Variants in AGAP9 observed in about 807,000 individuals in gnomAD.
AGAP9 encodes ArfGAP with GTPase domain, ankyrin repeat and PH domain 9, also known as arf-GAP with GTPase, ANK repeat and PH domain-containing protein 9.
AGAP9 carries 23 observed loss-of-function variants against 55.6 expected under a neutral mutation model. That is an observed-to-expected ratio of 0.41 (90% CI 0.30 to 0.59). The LOEUF (loss-of-function observed/expected upper bound fraction) is 0.59. AGAP9 is among the 20% of genes least tolerant of loss of function. AGAP9 has a pLI of 0.25. For synonymous variants in AGAP9, 120 were observed against 305.0 expected, an observed-to-expected ratio of 0.39 and a Z score of 6.32; for missense variants, 309 against 808.1, an observed-to-expected ratio of 0.38 and a Z score of 7.49.
chr10:47,511,144 C>T (rs1406835045), intron 4 of AGAP9, among the ~76,000 whole-genome samples: 27 of 133,174 alleles, frequency 2.0e-4, no homozygotes, highest in African/African-American at 7.0e-4. Context: ...GGGGTTTCAC[C>T]GTGTTAGCCA....
At chr10:47,509,229 G>T (rs1412639510) in intron 5 of AGAP9, among the ~76,000 whole-genome samples, 2 of 118,088 alleles carry the variant, frequency 1.7e-5, no homozygotes, top group Non-Finnish European at 3.3e-5. Flanking sequence ...AGGGACTCTA[G>T]TCAAAGTAAT....
rs1402659597 is a variant in AGAP9, at chr10:47,506,330, C to T, written c.533+1218G>A. 5.8e-5 allele frequency among the ~76,000 whole-genome samples: 8 copies of T among 137,582 alleles called. 2 individuals carry two copies. Among genetic ancestry groups the T allele is most frequent in the African/African-American group, 2.2e-4 (8 of 37,032 alleles). 90.3% of individuals were successfully genotyped at this position (137,582 alleles called of 152,430 possible). ...TGCATGAGGTTAGGTCATCTTATTG[C>T]TTCTTTTTCTCTTTTTTTGAGACAG... On this transcript the variant is annotated intron_variant, in intron 6 of 7. Transcript: ENST00000452145.
rs1169529079 is a variant in AGAP9, at chr10:47,510,347, C to T, written c.397-76G>A. On this transcript the variant is annotated intron_variant, in intron 4 of 7. Coordinates refer to ENST00000452145, the MANE Select transcript of AGAP9 (RefSeq NM_001190810.1). ...TCAGTTAAAATGTCAAATGACAAAGCACTAAGATATGTCTTACACTCCATG... is the reference window on the plus strand; with the variant it reads ...TCAGTTAAAATGTCAAATGACAAAGTACTAAGATATGTCTTACACTCCATG... The T allele has an allele frequency of 2.7e-5, 33 of 1,222,806 alleles. 1 individual carries two copies. The Admixed American group carries it at 3.2e-4, about 12-fold the overall frequency. The allele number at this position is 1,222,806 out of a possible 1,614,324, so 75.7% of individuals were successfully genotyped here.
In AGAP9 at chr10:47,507,787, G is replaced by A. The variant is rs1387714887; in HGVS notation, c.498-204C>T. 4.8e-3 allele frequency among the ~76,000 whole-genome samples: 514 copies of A among 107,552 alleles called. 26 individuals are homozygous for A. Among genetic ancestry groups the A allele is most frequent in the African/African-American group, 0.018 (490 of 27,986 alleles). 70.6% of individuals were successfully genotyped at this position (107,552 alleles called of 152,430 possible). A position where few individuals can be genotyped will look rare whatever the true frequency, so the allele number is the denominator to read the frequency against. ...GAACCAAAATGCAAGGAAATATGCC[G>A]TTAGAAGACGCGTTTCTGTTGGTGA... On this transcript the variant is annotated intron_variant, in intron 5 of 7. Transcript: ENST00000452145.
rs1266009162 is a variant in AGAP9 at position 47,511,443 on chromosome 10, G to A, written c.397-1172C>T. Among the ~76,000 whole-genome samples, 2 of 131,852 alleles carry A rather than the reference G, an allele frequency of 1.5e-5. 1 individual carries two copies. The highest frequency in any genetic ancestry group is 3.2e-5 in the Non-Finnish European group (2 of 62,922). 86.5% of individuals were successfully genotyped at this position (131,852 alleles called of 152,430 possible). The stretch of plus-strand genomic sequence containing the variant: ...CAGGGCTGCTAGGCCACCAACAAGT[G>A]AGGAAGCCATAGGTTTCTCTAGTCC... On this transcript the variant is annotated intron_variant, in intron 4 of 7. Coordinates refer to ENST00000452145, the MANE Select transcript of AGAP9 (RefSeq NM_001190810.1).
At position 47,502,566 on chromosome 10, in the gene AGAP9, C is replaced by T. The variant is rs1840376644; in HGVS notation, c.1563G>A (p.Leu521=). 1.1e-5 allele frequency: 18 copies of T among 1,611,110 alleles called. No homozygotes were observed. The highest frequency in any genetic ancestry group is 1.5e-5 in the Non-Finnish European group (18 of 1,179,538). The part of the protein sequence containing the change: ...TRLSRVRSLE[L]DDWPVELRKV... ...TCCTGAGCTCAACTGGCCAGTCATCCAGCTCCAGAGATCGCACACGGGAAA... is the reference window on the plus strand; with the variant it reads ...TCCTGAGCTCAACTGGCCAGTCATCTAGCTCCAGAGATCGCACACGGGAAA... Residue 521 remains leucine (L), a synonymous_variant, in exon 8 of 8, where the codon CTG becomes CTA. Coordinates refer to ENST00000452145, the MANE Select transcript of AGAP9 (RefSeq NM_001190810.1).
Position 47,516,812 on chromosome 10 carries a change from A to C in AGAP9, c.396+1011T>G, listed in dbSNP as rs1474170717. On this transcript the variant is annotated intron_variant, in intron 4 of 7. Coordinates refer to ENST00000452145, the MANE Select transcript of AGAP9 (RefSeq NM_001190810.1). ...CTTGGGGGAAAAACAGCTATTAGAA[A>C]ATAGGCAAATGAATATAGTCAGAAA... 8.2e-4 allele frequency among the ~76,000 whole-genome samples: 107 copies of C among 130,452 alleles called. 17 individuals carry two copies. The highest frequency in any genetic ancestry group is 1.1e-3 in the Admixed American group (14 of 13,332). 85.6% of individuals were successfully genotyped at this position (130,452 alleles called of 152,430 possible). A position where few individuals can be genotyped will look rare whatever the true frequency, so the allele number is the denominator to read the frequency against.
At chr10:47,504,857 T>C (rs1840444232) in intron 6 of AGAP9, among the ~76,000 whole-genome samples, 1 of 122,560 alleles carries the variant, frequency 8.2e-6, no homozygotes, top group Non-Finnish European at 1.7e-5. Context: ...TTTTTTTTTT[T>C]TTTTTTTTTT....
chr10:47,515,789 G>A (rs1840705419), intron 4 of AGAP9, among the ~76,000 whole-genome samples: 1 of 133,026 alleles, frequency 7.5e-6, no homozygotes, highest in Non-Finnish European at 1.6e-5. Flanking sequence ...CTTCAGTAAA[G>A]ATCCCCAGAT....
At chr10:47,507,971 C>T (rs1462915148) in intron 5 of AGAP9, among the ~76,000 whole-genome samples, 1 of 106,736 alleles carries the variant, frequency 9.4e-6, no homozygotes, top group Admixed American at 1.1e-4. Flanking sequence ...CTTGACTCCT[C>T]ACAACCTCCA....
intron 4 of AGAP9, among the ~76,000 whole-genome samples, chr10:47,516,121 A>G (rs1335343904): frequency 1.1e-5 from 1 of 88,188 alleles, no homozygotes; most frequent in Non-Finnish European, 2.1e-5. Context: ...AGAAGGGGAA[A>G]AATTAAAAAT....
Position 47,510,309 on chromosome 10 carries a change from G to A in AGAP9, c.397-38C>T. The stretch of plus-strand genomic sequence containing the variant: ...GGAAGTGTAAGTCAAACTTATCAAA[G>A]TGTATTTTTTTCTCAGTTAAAATGT... On this transcript the variant is annotated intron_variant, in intron 4 of 7. Transcript: ENST00000452145. 4.7e-6 allele frequency: 5 copies of A among 1,064,938 alleles called. 1 individual carries two copies. The South Asian group carries it at 5.0e-5, about 11-fold the overall frequency. The allele number at this position is 1,064,938 out of a possible 1,614,324, so 66.0% of individuals were successfully genotyped here.
intron 2 of AGAP9, among the ~76,000 whole-genome samples, chr10:47,520,951 A>G (rs1166957223): frequency 8.2e-6 from 1 of 122,288 alleles, no homozygotes; most frequent in Non-Finnish European, 1.6e-5. Context: ...AAGACAGTCT[A>G]TTTTATAGGC....
At chr10:47,513,515 T>G (rs1399834995) in intron 4 of AGAP9, among the ~76,000 whole-genome samples, 4 of 142,000 alleles carry the variant, frequency 2.8e-5, no homozygotes, top group African/African-American at 1.0e-4. Context: ...ACCATCCTTC[T>G]TCACAGAACT....
chr10:47,510,876 T>G (rs1392888772), intron 4 of AGAP9, among the ~76,000 whole-genome samples: 1 of 127,146 alleles, frequency 7.9e-6, no homozygotes, highest in Non-Finnish European at 1.6e-5. Flanking sequence ...TGAGATTTCA[T>G]ATTTTTTTCT....
At chr10:47,503,820 G>A (rs1433496246) in intron 7 of AGAP9, among the ~76,000 whole-genome samples, 1 of 123,098 alleles carries the variant, frequency 8.1e-6, no homozygotes, top group Non-Finnish European at 1.6e-5. Context: ...TGTAATTCCA[G>A]TTACTCGGGA....
chr10:47,518,448 G>C, intron 3 of AGAP9, among the ~76,000 whole-genome samples: 1 of 126,558 alleles, frequency 7.9e-6, no homozygotes. Flanking sequence ...GTCTCACTCT[G>C]TCACCTAGGC....
chr10:47,507,658 G>A lies in AGAP9; in HGVS notation c.498-75C>T, dbSNP rs1840512036. 1.2e-5 allele frequency: 18 copies of A among 1,513,424 alleles called. 3 individuals are homozygous for A. In the South Asian group the frequency reaches 1.9e-4, roughly 16 times the overall value. The allele number at this position is 1,513,424 out of a possible 1,614,324, so 93.7% of individuals were successfully genotyped here. A position where few individuals can be genotyped will look rare whatever the true frequency, so the allele number is the denominator to read the frequency against. On this transcript the variant is annotated intron_variant, in intron 5 of 7. Coordinates refer to ENST00000452145, the MANE Select transcript of AGAP9 (RefSeq NM_001190810.1). ...CCTGCAGACATTTTTTAAAAGGGGG[G>A]CAGAGGAAACTCTCCTAGCGGCCCT...
intron 4 of AGAP9, among the ~76,000 whole-genome samples, chr10:47,510,914 C>T (rs1467010713): frequency 7.7e-6 from 1 of 130,040 alleles, no homozygotes; most frequent in Non-Finnish European, 1.6e-5. Context: ...CCAAGAATTT[C>T]TATTAATTAA....
Sources: gnomAD v4.1 joint callset for allele counts (sites outside exome capture counted in the v4.1 genomes callset) on GRCh38, gnomAD v4.1.1 for gene constraint, MANE v1.5 for transcripts, NCBI Gene and HGNC (gene_info 2026-07-23, HGNC 2026-07-21) for gene names.